ASGR1: variants seen among roughly 807,000 people sequenced by gnomAD.
ASGR1 encodes the protein C-type lectin domain family 4 member H1.
In ASGR1, 35 loss-of-function variants were observed where a neutral mutation model predicts 33.1. That is an observed-to-expected ratio of 1.06 (90% CI 0.81 to 1.40). The LOEUF is 1.40. Among genes scored for constraint, ASGR1 ranks in the 40% most tolerant of loss-of-function variants. The probability of loss-of-function intolerance (pLI) is 0.00; values close to 1 mark genes in which losing one functional copy is unlikely to be tolerated. For synonymous variants in ASGR1, 142 were observed against 152.5 expected, an observed-to-expected ratio of 0.93 and a Z score of 0.51; for missense variants, 396 against 373.7, an observed-to-expected ratio of 1.06 and a Z score of -0.49.
In ASGR1 at chr17:7,173,664, G is replaced by C; in HGVS notation, c.871C>G (p.Leu291Val). The C allele has an allele frequency of 6.2e-7, 1 of 1,613,340 alleles. No homozygotes were observed. The highest frequency in any genetic ancestry group is 1.1e-5 in the South Asian group (1 of 91,076). Residue 291 changes from leucine (L) to valine (V), a missense_variant, in exon 9 of 9, where the codon CTT becomes GTT. Coordinates refer to ENST00000269299, the MANE Select transcript of ASGR1 (RefSeq NM_001671.5). The surrounding 1 kb of genome is among the most constrained non-coding windows in gnomAD (Gnocchi z 4.7). Reference protein sequence around the residue: ...LDKASQEPPLL With the variant: ...LDKASQEPPLV ...CGAGGCATTGAAGAAATAAATTAAA[G>C]GAGAGGTGGCTCCTGGCTGGCCTTG...
chr17:7,174,897 AACAC>A (rs974873543), intron 5 of ASGR1, among the ~76,000 whole-genome samples: 1 of 148,692 alleles, frequency 6.7e-6, no homozygotes, highest in Non-Finnish European at 1.5e-5. Context: ...CAACACATAA[AACAC>A]ACAATACAGA....
At position 7,173,976 on chromosome 17, in the gene ASGR1, T is replaced by C. The variant is rs756483196; in HGVS notation, c.686A>G (p.Tyr229Cys). 3 of 1,614,188 alleles carry C rather than the reference T, an allele frequency of 1.9e-6. No homozygotes were observed. Among genetic ancestry groups the C allele is most frequent in the South Asian group, 2.2e-5 (2 of 91,090 alleles). The change falls in exon 8 of 9, where the codon TAC becomes TGC. Residue 229 changes from tyrosine to cysteine, a missense_variant. Physicochemically the swap from Tyr to Cys is radical, Grantham distance 194 (BLOSUM62 -2). Transcript: ENST00000269299. This position sits in a 1 kb window ranked among gnomAD's most constrained non-coding sequence, Gnocchi z 4.7. ...GPWKWVDGTDYETGFKNWRPE... is the reference protein window; with the variant it reads ...GPWKWVDGTDCETGFKNWRPE... ...GCGCACTCACTTGAAGCCCGTCTCG[T>C]AGTCCGTCCCGTCCACCCACTTCCA...
chr17:7,173,990 CA>C lies in ASGR1; in HGVS notation c.671del (p.Val224GlyfsTer109), dbSNP rs760333217. The C allele has an allele frequency of 6.2e-7, 1 of 1,614,224 alleles. No homozygotes were observed. Among genetic ancestry groups the C allele is most frequent in the Admixed American group, 1.7e-5 (1 of 60,034 alleles). On this transcript the variant is annotated frameshift_variant, in exon 8 of 9. Transcript: ENST00000269299. LOFTEE classifies it low-confidence loss of function (END_TRUNC). This position sits in a 1 kb window ranked among gnomAD's most constrained non-coding sequence, Gnocchi z 4.7. ...AGCCCGTCTCGTAGTCCGTCCCGTC[CA>C]CCCACTTCCAGGGCCCGTTTTGGTC... is the stretch of plus-strand genomic sequence containing the variant. Reference protein sequence around the residue: ...LHDQNGPWKWVDGTDYETGFK... With the variant: ...LHDQNGPWKWXDGTDYETGFK...
chr17:7,175,921 TC>T (rs2069196113), intron 5 of ASGR1, among the ~76,000 whole-genome samples: 1 of 105,616 alleles, frequency 9.5e-6, no homozygotes, highest in Admixed American at 1.0e-4. Flanking sequence ...ACAGACACAA[TC>T]CCTCTCATTC....
chr17:7,176,579 G>A (rs1567793902), intron 5 of ASGR1: 2 of 510,930 alleles, frequency 3.9e-6, no homozygotes, highest in Non-Finnish European at 3.4e-6. Flanking sequence ...CTCACACACA[G>A]ACTCACACAC....
chr17:7,176,690 TCTCACACACAGA>T, intron 5 of ASGR1, 128 bp downstream of exon 5: 4 of 1,270,000 alleles, frequency 3.1e-6, no homozygotes, highest in Non-Finnish European at 4.3e-6. Context: ...TCCCCCTCAT[TCTCACACACAGA>T]CTCACACACA....
At chr17:7,175,339 TTCACCCACACACACACACAACACACCC>T (rs2069184232) in intron 5 of ASGR1, among the ~76,000 whole-genome samples, 1 of 99,058 alleles carries the variant, frequency 1.0e-5, no homozygotes, top group African/African-American at 4.6e-5. Context: ...ACAACACACC[TTCACCCACACACACACACAACACACCC>T]TCACCCAAAC....
At chr17:7,174,495 T>C in intron 5 of ASGR1, 35 bp from the exon 6 acceptor site, 1 of 1,597,130 alleles carries the variant, frequency 6.3e-7, no homozygotes, top group Non-Finnish European at 8.5e-7. Flanking sequence ...CGGGAGGAGA[T>C]GCGGAAACCA....
rs757827804 is a variant in ASGR1, at chr17:7,173,961, T to C, written c.701A>G (p.Lys234Arg). Residue 234 changes from lysine (K) to arginine (R), a missense_variant and splice_region_variant, in exon 8 of 9, where the codon AAG (lysine) becomes AGG (arginine). Coordinates refer to ENST00000269299, the MANE Select transcript of ASGR1 (RefSeq NM_001671.5). This position sits in a 1 kb window ranked among gnomAD's most constrained non-coding sequence, Gnocchi z 4.7. ...VDGTDYETGFKNWRPEQPDDW... is the reference protein window; with the variant it reads ...VDGTDYETGFRNWRPEQPDDW... ...AGGCCGAGGGAGGGCGCGCACTCAC[T>C]TGAAGCCCGTCTCGTAGTCCGTCCC... 1.9e-6 allele frequency: 3 copies of C among 1,614,162 alleles called. No individual in the cohort carries two copies. The highest frequency in any genetic ancestry group is 2.5e-6 in the Non-Finnish European group (3 of 1,179,984).
chr17:7,175,847 T>G (rs977782090), intron 5 of ASGR1, among the ~76,000 whole-genome samples: 3 of 124,544 alleles, frequency 2.4e-5, no homozygotes, highest in African/African-American at 3.7e-5. Context: ...ACCCATCTCA[T>G]TCTCACACAC....
intron 5 of ASGR1, among the ~76,000 whole-genome samples, chr17:7,175,997 C>A (rs1331190327): frequency 1.4e-5 from 2 of 146,224 alleles, no homozygotes; most frequent in Non-Finnish European, 3.0e-5. Flanking sequence ...CTGACACATT[C>A]TCACACATAA....
At position 7,174,360 on chromosome 17, in the gene ASGR1, G is replaced by T; in HGVS notation, c.442+14C>A. On this transcript the variant is annotated intron_variant, in intron 6 of 8. Coordinates refer to ENST00000269299, the MANE Select transcript of ASGR1 (RefSeq NM_001671.5). ...AGGGGGGAGGCAGAGAGCGGGCCGG[G>T]CTGGCCTCCTTACCATTGCCCTGGA... 6.2e-7 allele frequency: 1 copy of T among 1,613,956 alleles called. No individual in the cohort carries two copies. The highest frequency in any genetic ancestry group is 8.5e-7 in the Non-Finnish European group (1 of 1,179,936).
chr17:7,176,158 CAG>C (rs1333243437), intron 5 of ASGR1, among the ~76,000 whole-genome samples: 1 of 149,258 alleles, frequency 6.7e-6, no homozygotes, highest in African/African-American at 2.5e-5. Flanking sequence ...TTCTCACACA[CAG>C]ACACACACCC....
chr17:7,178,658 C>CTCT (rs2069243432), intron 1 of ASGR1, 70 bp from the exon 2 acceptor site: 1 of 985,740 alleles, frequency 1.0e-6, no homozygotes, highest in African/African-American at 1.6e-5. Flanking sequence ...AGGGGCCCAT[C>CTCT]TCTTTACTCC....
At chr17:7,176,529 A>ACACACAGT (rs2069213094) in intron 5 of ASGR1, 2 of 494,514 alleles carry the variant, frequency 4.0e-6, no homozygotes, top group African/African-American at 4.4e-5. Context: ...TCTCATTCCC[A>ACACACAGT]CACACACACC....
At position 7,174,609 on chromosome 17, in the gene ASGR1, C is replaced by CCATA. The variant is rs1597421564; in HGVS notation, c.356-153_356-150dup. On this transcript the variant is annotated intron_variant, in intron 5 of 8. Coordinates refer to ENST00000269299, the MANE Select transcript of ASGR1 (RefSeq NM_001671.5). ...GCAGCGGAGTTGGCCTGAGAGACCC[C>CCATA]CATACACACACACACACACACTCCT... The CCATA allele has an allele frequency of 1.3e-5, 9 of 678,068 alleles. No homozygotes were observed. The East Asian group carries it at 2.5e-4, about 18-fold the overall frequency. 42.0% of individuals were successfully genotyped at this position (678,068 alleles called of 1,614,324 possible). A position where few individuals can be genotyped will look rare whatever the true frequency, so the allele number is the denominator to read the frequency against.
chr17:7,177,429 G>A, intron 2 of ASGR1, 103 bp from the exon 3 acceptor site: 2 of 857,408 alleles, frequency 2.3e-6, no homozygotes, highest in East Asian at 2.6e-5. Context: ...AGTAGTCTAG[G>A]AGGAACCATG....
chr17:7,174,473 G>A lies in ASGR1; in HGVS notation c.356-13C>T, dbSNP rs1418798868. 6.2e-7 allele frequency: 1 copy of A among 1,610,550 alleles called. No individual in the cohort carries two copies. Among genetic ancestry groups the A allele is most frequent in the Admixed American group, 1.7e-5 (1 of 59,316 alleles). ...AGGCTGGAGTGATCTGGGGAGACCG[G>A]GCGGAGGGGAGCGGGAGGAGATGCG... On this transcript the variant is annotated splice_polypyrimidine_tract_variant and intron_variant, in intron 5 of 8. Coordinates refer to ENST00000269299, the MANE Select transcript of ASGR1 (RefSeq NM_001671.5).
rs893124387 is a variant in ASGR1 at position 7,174,381 on chromosome 17, C to T, written c.435G>A (p.Gln145=). ...RSLSCQMAAL[Q]GNGSERTCCP... ...CCGGGCTGGCCTCCTTACCATTGCC[C>T]TGGAGCGCCGCCATCTGACAGCTCA... Residue 145 remains glutamine, a synonymous_variant, in exon 6 of 9, where the codon CAG becomes CAA. Transcript: ENST00000269299. 56 of 1,613,888 alleles carry T rather than the reference C, an allele frequency of 3.5e-5. No individual in the cohort carries two copies. The highest frequency in any genetic ancestry group is 4.7e-5 in the Non-Finnish European group (55 of 1,179,982).
Sources: allele counts gnomAD v4.1 joint callset (sites outside exome capture counted in the v4.1 genomes callset), GRCh38; gene constraint gnomAD v4.1.1; non-coding constraint Gnocchi (gnomAD v3.1); transcripts MANE v1.5; gene names NCBI Gene and HGNC (gene_info 2026-07-23, HGNC 2026-07-21).